The following SNTG1 variants were observed in gnomAD, a reference collection of about 807,000 sequenced individuals.
SNTG1 encodes the protein gamma-1-syntrophin.
Under a neutral mutation model 74.7 loss-of-function variants are expected in SNTG1, and 39 were observed. The observed-to-expected ratio is 0.52, with a 90% confidence interval of 0.40 to 0.68. The LOEUF (loss-of-function observed/expected upper bound fraction) is 0.68. Ranked by LOEUF, SNTG1 falls within the 30% of genes least tolerant of loss-of-function variation. The pLI is 0.00. For synonymous variants in SNTG1, 254 were observed against 217.1 expected (o/e 1.17, Z -1.49); for missense variants, 685 against 609.5 (o/e 1.12, Z -1.30).
intron 1 of SNTG1, among the ~76,000 whole-genome samples, chr8:49,995,518 C>CTTAAA (rs1399506229): frequency 6.6e-6 from 1 of 152,162 alleles, no homozygotes; most frequent in Non-Finnish European, 1.5e-5. Context: ...CTGATGTGTG[C>CTTAAA]ATTTGTTTAA....
chr8:50,595,672 C>T (rs1458257481), intron 13 of SNTG1, among the ~76,000 whole-genome samples: 2 of 151,978 alleles, frequency 1.3e-5, no homozygotes, highest in East Asian at 1.9e-4. Flanking sequence ...ACAAATGTAG[C>T]AAAATTGTCT....
chr8:50,716,796 G>T (rs572757383), intron 17 of SNTG1, among the ~76,000 whole-genome samples: 1 of 150,648 alleles, frequency 6.6e-6, no homozygotes, highest in East Asian at 1.9e-4. Context: ...GCAGTGGCGC[G>T]ATCTCAGCTC....
At position 50,536,816 on chromosome 8, in the gene SNTG1, C is replaced by A. The variant is rs750974670; in HGVS notation, c.680+8C>A. 1.2e-6 allele frequency: 2 copies of A among 1,613,316 alleles called. No individual in the cohort carries two copies. Among genetic ancestry groups the A allele is most frequent in the East Asian group, 4.5e-5 (2 of 44,862 alleles). On this transcript the variant is annotated splice_region_variant and intron_variant, in intron 11 of 18. Transcript: ENST00000642720. ...CGGCACAGATTTGAGTCGGTGAGTCCGTGTTTAGGAGTTATGACTGTTTTG... is the reference window on the plus strand; with the variant it reads ...CGGCACAGATTTGAGTCGGTGAGTCAGTGTTTAGGAGTTATGACTGTTTTG...
chr8:50,773,640 G>A (rs949907186), intron 18 of SNTG1, among the ~76,000 whole-genome samples: 2 of 152,068 alleles, frequency 1.3e-5, no homozygotes, highest in African/African-American at 2.4e-5. Context: ...AGACTCTTGG[G>A]AAGAATGAGA....
chr8:50,738,481 G>T (rs1038940034), intron 17 of SNTG1, among the ~76,000 whole-genome samples: 4 of 152,082 alleles, frequency 2.6e-5, no homozygotes, highest in Non-Finnish European at 5.9e-5. Flanking sequence ...TGGCCATACT[G>T]CCCAAAGTAA....
At chr8:50,508,261 T>C (rs964855584) in intron 9 of SNTG1, among the ~76,000 whole-genome samples, 2 of 152,242 alleles carry the variant, frequency 1.3e-5, no homozygotes, top group African/African-American at 2.4e-5. Flanking sequence ...CATCATTTTT[T>C]ATGGCTGCAT....
chr8:49,952,129 T>C (rs1809777670), intron 1 of SNTG1, among the ~76,000 whole-genome samples: 1 of 152,130 alleles, frequency 6.6e-6, no homozygotes, highest in African/African-American at 2.4e-5. Flanking sequence ...TTATAGTGCT[T>C]TTATTGTTTA....
intron 2 of SNTG1, among the ~76,000 whole-genome samples, chr8:50,230,149 G>C (rs1026378319): frequency 6.6e-6 from 1 of 151,404 alleles, no homozygotes; most frequent in Non-Finnish European, 1.5e-5. Context: ...AATAATGTCA[G>C]CTTCCAACTT....
At chr8:50,551,218 TA>T (rs944879151) in intron 11 of SNTG1, among the ~76,000 whole-genome samples, 4 of 152,224 alleles carry the variant, frequency 2.6e-5, no homozygotes, top group African/African-American at 7.2e-5. Flanking sequence ...TCATATGTAA[TA>T]AAAAAACTGT....
At chr8:50,696,236 C>A (rs772464963) in intron 15 of SNTG1, among the ~76,000 whole-genome samples, 2 of 151,908 alleles carry the variant, frequency 1.3e-5, no homozygotes, top group Non-Finnish European at 2.9e-5. Flanking sequence ...AGCATTTTTT[C>A]AAATGTCTGA....
At chr8:49,984,878 G>A (rs1053737649) in intron 1 of SNTG1, among the ~76,000 whole-genome samples, 20 of 151,974 alleles carry the variant, frequency 1.3e-4, no homozygotes, top group Admixed American at 6.6e-4. Context: ...AAGTTGTCTC[G>A]GTAATCTTAA....
chr8:50,082,871 C>T (rs746789100), intron 1 of SNTG1, among the ~76,000 whole-genome samples: 6 of 152,158 alleles, frequency 3.9e-5, no homozygotes, highest in Non-Finnish European at 5.9e-5. Flanking sequence ...ACTTCTACAG[C>T]TCCCTATTAC....
At chr8:50,612,829 G>T (rs896512453) in intron 13 of SNTG1, among the ~76,000 whole-genome samples, 2 of 152,170 alleles carry the variant, frequency 1.3e-5, no homozygotes, top group African/African-American at 4.8e-5. Flanking sequence ...CTCTATAGGT[G>T]TAGCATTTAC....
intron 8 of SNTG1, among the ~76,000 whole-genome samples, chr8:50,465,258 A>G (rs1266601305): frequency 6.6e-6 from 1 of 152,152 alleles, no homozygotes; most frequent in Non-Finnish European, 1.5e-5. Context: ...TCTAGTATAT[A>G]TGTACAGCAG....
At chr8:50,123,372 C>T (rs959453944) in intron 1 of SNTG1, among the ~76,000 whole-genome samples, 2 of 142,324 alleles carry the variant, frequency 1.4e-5, no homozygotes, top group African/African-American at 5.1e-5. Context: ...GAATACTGCA[C>T]AGGTCTTATG....
At chr8:50,564,529 G>A (rs310564) in intron 12 of SNTG1, among the ~76,000 whole-genome samples, 151,203 of 152,192 alleles carry the variant, frequency 0.99, 75,113 homozygotes, top group Middle Eastern at 1. Context: ...CTGGCTGCAC[G>A]AATTACTAAA....
chr8:50,191,102 C>G (rs1261907695), intron 2 of SNTG1, among the ~76,000 whole-genome samples: 1 of 152,044 alleles, frequency 6.6e-6, no homozygotes. Context: ...ATCATACTTA[C>G]GTAGCCTTCT....
At chr8:50,628,563 C>T (rs1469038503) in intron 13 of SNTG1, among the ~76,000 whole-genome samples, 1 of 151,874 alleles carries the variant, frequency 6.6e-6, no homozygotes, top group African/African-American at 2.4e-5. Context: ...TTTTCTCAGT[C>T]CTGTTGTTCG....
At position 50,460,892 on chromosome 8, in the gene SNTG1, A is replaced by G. The variant is rs138422141; in HGVS notation, c.363+10163A>G. On this transcript the variant is annotated intron_variant, in intron 8 of 18. Transcript: ENST00000642720. ...GAATTCTAATATACCCCTCACACAT[A>G]TTTCCCTAATATTAATATCTTTTGA... 1.5e-3 allele frequency among the ~76,000 whole-genome samples: 234 copies of G among 152,164 alleles called. 1 individual carries two copies. Among genetic ancestry groups the G allele is most frequent in the African/African-American group, 5.4e-3 (225 of 41,512 alleles).
Sources: allele counts gnomAD v4.1 joint callset (sites outside exome capture counted in the v4.1 genomes callset), GRCh38; gene constraint gnomAD v4.1.1; transcripts MANE v1.5; gene names NCBI Gene and HGNC (gene_info 2026-07-23, HGNC 2026-07-21).